Variants in RASEF observed in about 807,000 individuals in gnomAD.
RASEF encodes ras and EF-hand domain-containing protein.
A neutral mutation model predicts 90.1 loss-of-function variants in RASEF; 68 were observed. That is an observed-to-expected ratio of 0.75 (90% CI 0.62 to 0.92). The LOEUF is 0.92. RASEF is among the 40% of genes least tolerant of loss of function. The pLI is 0.00. For synonymous variants in RASEF, 331 were observed against 345.2 expected (o/e 0.96, Z 0.46); for missense variants, 949 against 937.2 (o/e 1.01, Z -0.16).
In RASEF at chr9:82,981,346, A is replaced by G. The variant is rs1828596652; in HGVS notation, c.*1331T>C. 6.6e-6 allele frequency: 1 copy of G among 152,210 alleles called. No homozygotes were observed. Among genetic ancestry groups the G allele is most frequent in the African/African-American group, 2.4e-5 (1 of 41,436 alleles). 9.4% of individuals were successfully genotyped at this position (152,210 alleles called of 1,614,324 possible). ...AGGTCACTGGTGATGATGAGCCACTAGTCACATTAAACAAAGGACCCTGAC... is the reference window on the plus strand; with the variant it reads ...AGGTCACTGGTGATGATGAGCCACTGGTCACATTAAACAAAGGACCCTGAC... On this transcript the variant is annotated 3_prime_UTR_variant, in exon 17 of 17. Transcript: ENST00000376447.
chr9:83,178,300 C>G, the RASEF span, among the ~76,000 whole-genome samples: 1 of 152,190 alleles, frequency 6.6e-6, no homozygotes, highest in African/African-American at 2.4e-5. Flanking sequence ...ATTGACAAAT[C>G]TTGTAGATAG....
At position 83,062,662 on chromosome 9, in the gene RASEF, C is replaced by A. The variant is rs1261831640; in HGVS notation, c.206G>T (p.Arg69Leu). The A allele has an allele frequency of 6.4e-7, 1 of 1,570,322 alleles. No homozygotes were observed. Among genetic ancestry groups the A allele is most frequent in the South Asian group, 1.1e-5 (1 of 87,224 alleles). ...DGAITFQEFA[R>L]GFLGSLRGGR... ...CCCGCGGAGGGACCCGAGGAAGCCACGCGCGAACTCCTGGAAGGTGATGGC... is the reference window on the plus strand; with the variant it reads ...CCCGCGGAGGGACCCGAGGAAGCCAAGCGCGAACTCCTGGAAGGTGATGGC... The change falls in exon 1 of 17, where the codon CGT becomes CTT. Residue 69 changes from arginine to leucine, a missense_variant. This residue lies in a region of RASEF where 656 missense variants were observed against 592.2 expected (regional missense o/e 1.11). Transcript: ENST00000376447.
chr9:83,136,371 A>G, the RASEF span, among the ~76,000 whole-genome samples: 3,215 of 152,250 alleles, frequency 0.021, 104 homozygotes, highest in African/African-American at 0.073. Flanking sequence ...AGTTAGATTG[A>G]ACACCTTTAA....
the RASEF span, among the ~76,000 whole-genome samples, chr9:83,218,519 C>T: frequency 6.6e-6 from 1 of 152,070 alleles, no homozygotes; most frequent in Non-Finnish European, 1.5e-5. Flanking sequence ...AGCCCACAGA[C>T]CGTGGGGGTA....
chr9:83,158,647 T>C, the RASEF span, among the ~76,000 whole-genome samples: 2 of 124,448 alleles, frequency 1.6e-5, no homozygotes, highest in Non-Finnish European at 3.5e-5. Context: ...TGTATATATG[T>C]CCAAATATAT....
the RASEF span, among the ~76,000 whole-genome samples, chr9:83,141,509 G>T: frequency 7.5e-3 from 1,147 of 152,280 alleles, 13 homozygotes; most frequent in African/African-American, 0.026. Context: ...GCCCCTTCCC[G>T]AAAACAGCTG....
chr9:83,082,596 G>A, the RASEF span, among the ~76,000 whole-genome samples: 13 of 152,020 alleles, frequency 8.6e-5, no homozygotes. Context: ...CAACATGCAA[G>A]ACAAAAAGGA....
chr9:82,979,655 C>T lies in RASEF; in HGVS notation c.*3022G>A, dbSNP rs2118317576. On this transcript the variant is annotated 3_prime_UTR_variant, in exon 17 of 17. Coordinates refer to ENST00000376447, the MANE Select transcript of RASEF (RefSeq NM_152573.4). ...ATATTTGTAGTTCCTTAGACATTTGCATTGCTATAAAAATTACACTTTATG... is the reference window on the plus strand; with the variant it reads ...ATATTTGTAGTTCCTTAGACATTTGTATTGCTATAAAAATTACACTTTATG... 1 of 152,224 alleles carries T rather than the reference C, an allele frequency of 6.6e-6. No homozygotes were observed. The highest frequency in any genetic ancestry group is 1.9e-4 in the East Asian group (1 of 5,182). 9.4% of individuals were successfully genotyped at this position (152,224 alleles called of 1,614,324 possible). A position where few individuals can be genotyped will look rare whatever the true frequency, so the allele number is the denominator to read the frequency against.
chr9:83,158,744 A>C, the RASEF span, among the ~76,000 whole-genome samples: 1 of 149,540 alleles, frequency 6.7e-6, no homozygotes, highest in African/African-American at 2.4e-5. Context: ...GTACATATAC[A>C]TATATGCATA....
At chr9:83,184,416 C>T in the RASEF span, among the ~76,000 whole-genome samples, 1 of 152,122 alleles carries the variant, frequency 6.6e-6, no homozygotes, top group Non-Finnish European at 1.5e-5. Context: ...GTGGGGAATG[C>T]CCCTCTCCAC....
chr9:83,004,092 A>G (rs367599438), intron 9 of RASEF, among the ~76,000 whole-genome samples: 1 of 152,204 alleles, frequency 6.6e-6, no homozygotes, highest in Admixed American at 6.5e-5. Context: ...CCTTTTCTGC[A>G]ACATAGCTCA....
At chr9:83,028,682 A>G (rs74667705) in intron 1 of RASEF, among the ~76,000 whole-genome samples, 164 of 152,332 alleles carry the variant, frequency 1.1e-3, no homozygotes, top group African/African-American at 3.8e-3. Context: ...AAATAGTTAT[A>G]CGTAGCGAGT....
chr9:83,138,064 G>A, the RASEF span, among the ~76,000 whole-genome samples: 1 of 151,544 alleles, frequency 6.6e-6, no homozygotes, highest in Non-Finnish European at 1.5e-5. Flanking sequence ...AATAACAACA[G>A]CAATGATTTG....
At chr9:83,133,322 G>T in the RASEF span, among the ~76,000 whole-genome samples, 47 of 152,168 alleles carry the variant, frequency 3.1e-4, no homozygotes, top group Non-Finnish European at 6.2e-4. Context: ...CTTTTTAATT[G>T]TTTAAAAACA....
At chr9:83,150,831 T>C in the RASEF span, among the ~76,000 whole-genome samples, 1 of 152,226 alleles carries the variant, frequency 6.6e-6, no homozygotes, top group Non-Finnish European at 1.5e-5. Context: ...CTAGATTGTG[T>C]AGTTCCAGAA....
At chr9:83,136,299 T>G in the RASEF span, among the ~76,000 whole-genome samples, 1 of 152,118 alleles carries the variant, frequency 6.6e-6, no homozygotes, top group Non-Finnish European at 1.5e-5. Context: ...CATGGTTTCA[T>G]AGCATACCTT....
chr9:83,081,325 T>C, the RASEF span, among the ~76,000 whole-genome samples: 1 of 152,218 alleles, frequency 6.6e-6, no homozygotes, highest in Non-Finnish European at 1.5e-5. Context: ...AGAAAACATA[T>C]TGTTTCGTAC....
At chr9:83,147,633 G>A in the RASEF span, among the ~76,000 whole-genome samples, 8 of 152,268 alleles carry the variant, frequency 5.3e-5, no homozygotes, top group Non-Finnish European at 1.2e-4. Flanking sequence ...TGGTAAGCAT[G>A]TGTTACAGTG....
chr9:83,000,184 T>C lies in RASEF; in HGVS notation c.1708A>G (p.Ile570Val). The change falls in exon 12 of 17, where the codon ATA (isoleucine) becomes GTA (valine). Residue 570 changes from isoleucine to valine, a missense_variant. This residue lies in a region of RASEF where 288 missense variants were observed against 328.4 expected (regional missense o/e 0.88). Transcript: ENST00000376447. Reference protein sequence around the residue: ...RLCKNEFRENISATLGVDFQM... With the variant: ...RLCKNEFRENVSATLGVDFQM... ...CGAGCCATACCCAGGGTGGCGCTTATATTTTCTCGAAATTCATTCTTGCAA... is the reference window on the plus strand; with the variant it reads ...CGAGCCATACCCAGGGTGGCGCTTACATTTTCTCGAAATTCATTCTTGCAA... 3 of 1,613,898 alleles carry C rather than the reference T, an allele frequency of 1.9e-6. No individual in the cohort carries two copies. Among genetic ancestry groups the C allele is most frequent in the Non-Finnish European group, 2.5e-6 (3 of 1,179,970 alleles).
Sources: gnomAD v4.1 joint callset for allele counts (sites outside exome capture counted in the v4.1 genomes callset) on GRCh38, gnomAD v4.1.1 for gene constraint, gnomAD v4.1.1 regional missense constraint, MANE v1.5 for transcripts, NCBI Gene and HGNC (gene_info 2026-07-23, HGNC 2026-07-21) for gene names.